Variants in TRIQK observed in about 807,000 individuals in gnomAD.
TRIQK encodes the protein triple QxxK/R motif-containing protein.
TRIQK carries 10 observed loss-of-function variants against 10.8 expected under a neutral mutation model. That is an observed-to-expected ratio of 0.92 (90% CI 0.57 to 1.57). TRIQK has a LOEUF of 1.57. Ranked by LOEUF, TRIQK falls within the 40% of genes most tolerant of loss-of-function variation. The pLI is 0.00. For missense variants in TRIQK, 107 were observed against 97.7 expected (o/e 1.09, Z -0.40); for synonymous variants, 33 against 33.7 (o/e 0.98, Z 0.07).
At chr8:92,911,059 T>C (rs1400044808) in intron 3 of TRIQK, among the ~76,000 whole-genome samples, 6 of 151,510 alleles carry the variant, frequency 4.0e-5, no homozygotes, top group Middle Eastern at 3.4e-3. Context: ...GAAATACTAA[T>C]ATCAAAAACT....
At chr8:92,906,722 C>CAAAA (rs36073229) in intron 3 of TRIQK, among the ~76,000 whole-genome samples, 71 of 126,512 alleles carry the variant, frequency 5.6e-4, no homozygotes, top group African/African-American at 1.7e-3. Context: ...CCGTCTCTAT[C>CAAAA]AAAAAAAAAA....
chr8:92,978,084 A>G (rs376068098), intron 1 of TRIQK, among the ~76,000 whole-genome samples: 1 of 152,038 alleles, frequency 6.6e-6, no homozygotes, highest in Non-Finnish European at 1.5e-5. Context: ...ACTCAGTTGA[A>G]TTTTCAAGAG....
intron 3 of TRIQK, among the ~76,000 whole-genome samples, chr8:92,911,900 G>T (rs1809590368): frequency 7.7e-6 from 1 of 130,612 alleles, no homozygotes; most frequent in Non-Finnish European, 1.6e-5. Flanking sequence ...TGTGTGTGTA[G>T]ACATATATAT....
intron 3 of TRIQK, among the ~76,000 whole-genome samples, chr8:92,908,755 T>A (rs1454229812): frequency 5.9e-5 from 9 of 151,992 alleles, no homozygotes; most frequent in African/African-American, 2.2e-4. Flanking sequence ...AGTCAAAATA[T>A]TTGAAAAGAA....
At chr8:92,980,065 T>A (rs949679857) in intron 1 of TRIQK, among the ~76,000 whole-genome samples, 5 of 152,108 alleles carry the variant, frequency 3.3e-5, no homozygotes, top group Non-Finnish European at 7.4e-5. Context: ...TGTCTCACCA[T>A]TAGATCTGAT....
intron 1 of TRIQK, among the ~76,000 whole-genome samples, chr8:93,012,695 A>G (rs1186447908): frequency 6.6e-6 from 1 of 152,176 alleles, no homozygotes; most frequent in Non-Finnish European, 1.5e-5. Context: ...GTGACGCACC[A>G]GCTTAAATCT....
chr8:92,947,354 G>C (rs1416512701), intron 2 of TRIQK, among the ~76,000 whole-genome samples: 1 of 151,364 alleles, frequency 6.6e-6, no homozygotes, highest in Non-Finnish European at 1.5e-5. Flanking sequence ...AGGCTGAGGT[G>C]AGTGGATCAC....
chr8:92,971,439 C>G (rs1304382220), intron 1 of TRIQK, among the ~76,000 whole-genome samples: 1 of 152,128 alleles, frequency 6.6e-6, no homozygotes, highest in African/African-American at 2.4e-5. Flanking sequence ...TAAACAACAT[C>G]AGAAAAGTCT....
chr8:92,922,116 T>C (rs1325381434), intron 2 of TRIQK: 5 of 151,842 alleles, frequency 3.3e-5, no homozygotes, highest in African/African-American at 1.2e-4. Context: ...ATGTAGTTAT[T>C]ACATCTAAGA....
rs1428027769 is a variant in TRIQK at position 92,907,638 on chromosome 8, G to C, written c.61+9291C>G. Among the ~76,000 whole-genome samples the C allele has an allele frequency of 2.6e-5, 4 of 151,990 alleles. No individual in the cohort carries two copies. In the East Asian group the frequency reaches 7.7e-4, roughly 29 times the overall value. ...GCACACAAATTCATAATTTTTACTT[G>C]CATATACAATACAGACAATCTGTAG... On this transcript the variant is annotated intron_variant, in intron 3 of 4. Transcript: ENST00000521988.
chr8:92,927,474 C>A (rs1174986490), intron 2 of TRIQK, among the ~76,000 whole-genome samples: 1 of 151,370 alleles, frequency 6.6e-6, no homozygotes, highest in Admixed American at 6.6e-5. Flanking sequence ...TAACCAAAAA[C>A]CAAATACTAG....
intron 2 of TRIQK, among the ~76,000 whole-genome samples, chr8:92,950,347 T>C (rs1182845174): frequency 1.3e-5 from 2 of 151,850 alleles, no homozygotes; most frequent in African/African-American, 4.8e-5. Context: ...TATGTATGTA[T>C]TTACATACTT....
Position 92,961,420 on chromosome 8 carries a change from A to C in TRIQK, c.-181+4587T>G, listed in dbSNP as rs551305055. On this transcript the variant is annotated intron_variant, in intron 1 of 4. Transcript: ENST00000521988. Reference sequence around the variant, plus strand: ...CCTCCTCTGCCCAGAGAGATTCAGTACTATATACTGAGTCACTGTGAATGA... The same window carrying C: ...CCTCCTCTGCCCAGAGAGATTCAGTCCTATATACTGAGTCACTGTGAATGA... Among the ~76,000 whole-genome samples, 8 of 152,292 alleles carry C rather than the reference A, an allele frequency of 5.3e-5. No homozygotes were observed. In the South Asian group the frequency reaches 1.4e-3, roughly 28 times the overall value.
intron 4 of TRIQK, 76 bp downstream of exon 4, chr8:92,891,913 C>T (rs1357552952): frequency 8.8e-6 from 9 of 1,028,502 alleles, no homozygotes; most frequent in South Asian, 3.3e-5. Context: ...TAGAATTCAA[C>T]ATTTATGCAA....
intron 1 of TRIQK, among the ~76,000 whole-genome samples, chr8:92,989,002 G>T (rs1302244648): frequency 2.6e-5 from 4 of 152,106 alleles, no homozygotes; most frequent in Middle Eastern, 3.4e-3. Context: ...AACAAGAAAA[G>T]ATAAGAAAAT....
chr8:92,919,885 T>C (rs1810082531), intron 2 of TRIQK, among the ~76,000 whole-genome samples: 1 of 151,818 alleles, frequency 6.6e-6, no homozygotes, highest in Admixed American at 6.6e-5. Flanking sequence ...TGCCCAGGAA[T>C]GTATTCTTTT....
intron 1 of TRIQK, among the ~76,000 whole-genome samples, chr8:93,008,840 T>C (rs1020325050): frequency 6.6e-6 from 1 of 152,144 alleles, no homozygotes; most frequent in African/African-American, 2.4e-5. Flanking sequence ...TCCAAATGGA[T>C]TAAAGACTTA....
intron 1 of TRIQK, among the ~76,000 whole-genome samples, chr8:92,993,733 G>A (rs1014732381): frequency 6.6e-6 from 1 of 152,130 alleles, no homozygotes; most frequent in Non-Finnish European, 1.5e-5. Flanking sequence ...GCCAATTCCC[G>A]TGTCTGCAAG....
intron 1 of TRIQK, among the ~76,000 whole-genome samples, chr8:93,012,966 T>C (rs866839030): frequency 4.6e-5 from 7 of 152,280 alleles, no homozygotes; most frequent in Middle Eastern, 3.4e-3. Context: ...TTCTGCTGCA[T>C]GCTAAAGCTG....
Sources: gnomAD v4.1 joint callset for allele counts (sites outside exome capture counted in the v4.1 genomes callset) on GRCh38, gnomAD v4.1.1 for gene constraint, MANE v1.5 for transcripts, NCBI Gene and HGNC (gene_info 2026-07-23, HGNC 2026-07-21) for gene names.